The following SCAPER variants were observed in gnomAD, a reference collection of about 807,000 sequenced individuals.
SCAPER encodes S phase cyclin A-associated protein in the endoplasmic reticulum.
In SCAPER, 98 loss-of-function variants were observed where a neutral mutation model predicts 182.2. The ratio of observed to expected loss-of-function variants is 0.54; its 90% CI spans 0.46 to 0.64. The LOEUF (loss-of-function observed/expected upper bound fraction) is 0.64. Ranked by LOEUF, SCAPER falls within the 30% of genes least tolerant of loss-of-function variation. The probability of loss-of-function intolerance (pLI) is 0.00; values close to 1 mark genes in which losing one functional copy is unlikely to be tolerated. For synonymous variants in SCAPER, 605 were observed against 564.6 expected (o/e 1.07, Z -1.01); for missense variants, 1,432 against 1,690.0 (o/e 0.85, Z 2.68).
chr15:76,662,939 A>C (rs763700647), intron 21 of SCAPER, among the ~76,000 whole-genome samples: 5 of 152,250 alleles, frequency 3.3e-5, no homozygotes, highest in South Asian at 2.1e-4. Flanking sequence ...CACTAGACAT[A>C]AAAGAAAAAT....
intron 4 of SCAPER, among the ~76,000 whole-genome samples, chr15:76,855,156 A>T (rs1437889286): frequency 6.6e-6 from 1 of 152,104 alleles, no homozygotes. Context: ...CTTTGACAAG[A>T]CAAAAACAAG....
At chr15:76,786,254 G>C (rs572602248) in intron 8 of SCAPER, among the ~76,000 whole-genome samples, 2 of 149,894 alleles carry the variant, frequency 1.3e-5, no homozygotes, top group East Asian at 3.9e-4. Context: ...TTGAACCCAA[G>C]AGGCAGAGGT....
chr15:76,643,880 G>C (rs1463458218), intron 21 of SCAPER, among the ~76,000 whole-genome samples: 4 of 152,040 alleles, frequency 2.6e-5, no homozygotes, highest in African/African-American at 4.8e-5. Context: ...AAAACCAAGT[G>C]AATCAGAAAT....
rs1415938788 is a variant in SCAPER at position 76,375,639 on chromosome 15, T to A, written c.3855+523A>T. On this transcript the variant is annotated intron_variant, in intron 29 of 31. Transcript: ENST00000563290. ...GAATATTTTATTAAAAATATTTTATTTTTATAGCTCTAAGAGGAGGCCCTA... is the reference window on the plus strand; with the variant it reads ...GAATATTTTATTAAAAATATTTTATATTTATAGCTCTAAGAGGAGGCCCTA... Among the ~76,000 whole-genome samples the A allele has an allele frequency of 3.3e-5, 5 of 152,184 alleles. No homozygotes were observed. The East Asian group carries it at 9.6e-4, about 29-fold the overall frequency.
At chr15:76,479,417 T>G (rs1381584256) in intron 24 of SCAPER, among the ~76,000 whole-genome samples, 1 of 152,156 alleles carries the variant, frequency 6.6e-6, no homozygotes, top group Non-Finnish European at 1.5e-5. Context: ...CATTAAAAAC[T>G]TATTGTCCAT....
intron 20 of SCAPER, among the ~76,000 whole-genome samples, chr15:76,681,249 A>G (rs2057687017): frequency 6.6e-6 from 1 of 152,216 alleles, no homozygotes; most frequent in African/African-American, 2.4e-5. Flanking sequence ...AACTTACCCA[A>G]TTTTCAAATT....
chr15:76,555,329 T>C (rs2046111532), intron 23 of SCAPER, among the ~76,000 whole-genome samples: 1 of 151,998 alleles, frequency 6.6e-6, no homozygotes, highest in Admixed American at 6.6e-5. Flanking sequence ...CACAATTGAG[T>C]ATGCATAATA....
intron 22 of SCAPER, among the ~76,000 whole-genome samples, chr15:76,614,334 T>G (rs1720243755): frequency 6.6e-6 from 1 of 151,930 alleles, no homozygotes; most frequent in South Asian, 2.1e-4. Context: ...GTACAACAAA[T>G]CCCCATGGCA....
At chr15:76,671,937 A>G (rs957518612) in intron 20 of SCAPER, among the ~76,000 whole-genome samples, 2 of 152,150 alleles carry the variant, frequency 1.3e-5, no homozygotes, top group Non-Finnish European at 2.9e-5. Flanking sequence ...CTAATTTGAG[A>G]ACAGCATTTG....
intron 17 of SCAPER, among the ~76,000 whole-genome samples, chr15:76,708,104 C>T (rs1342885591): frequency 6.6e-6 from 1 of 152,046 alleles, no homozygotes. Flanking sequence ...GTTCAAATCC[C>T]TTATAAAAAA....
chr15:76,808,031 A>G (rs2066303743), intron 5 of SCAPER, among the ~76,000 whole-genome samples: 1 of 152,146 alleles, frequency 6.6e-6, no homozygotes, highest in Admixed American at 6.5e-5. Flanking sequence ...TGACAGCAGA[A>G]GGGACTCAGT....
At chr15:76,694,093 T>C (rs952513301) in intron 20 of SCAPER, among the ~76,000 whole-genome samples, 3 of 152,110 alleles carry the variant, frequency 2.0e-5, no homozygotes, top group East Asian at 1.9e-4. Flanking sequence ...TGTGATTCCA[T>C]ACAAATTTTA....
At chr15:76,471,568 G>C (rs1157811946) in intron 24 of SCAPER, among the ~76,000 whole-genome samples, 1 of 152,152 alleles carries the variant, frequency 6.6e-6, no homozygotes, top group Non-Finnish European at 1.5e-5. Flanking sequence ...ATTTCTATTA[G>C]CTGCAGTTGC....
chr15:76,394,841 CA>C (rs2043942179), intron 27 of SCAPER, among the ~76,000 whole-genome samples: 1 of 152,158 alleles, frequency 6.6e-6, no homozygotes, highest in Non-Finnish European at 1.5e-5. Flanking sequence ...CTTTGTGTTA[CA>C]AACTATCCAA....
chr15:76,807,294 A>G (rs1319020255), intron 5 of SCAPER, among the ~76,000 whole-genome samples: 1 of 152,168 alleles, frequency 6.6e-6, no homozygotes, highest in Non-Finnish European at 1.5e-5. Flanking sequence ...TTCTGCACCA[A>G]CTGAGATAAT....
chr15:76,859,782 A>G (rs1265982473), intron 3 of SCAPER, among the ~76,000 whole-genome samples: 1 of 151,956 alleles, frequency 6.6e-6, no homozygotes, highest in Non-Finnish European at 1.5e-5. Flanking sequence ...CCCAGGCTGG[A>G]GTGCAGTGGC....
At chr15:76,882,408 A>G (rs926536017) in intron 2 of SCAPER, among the ~76,000 whole-genome samples, 6 of 151,816 alleles carry the variant, frequency 4.0e-5, no homozygotes, top group African/African-American at 1.5e-4. Flanking sequence ...AAAAAAAAAG[A>G]TATTAAGAGA....
At chr15:76,804,395 T>A (rs2065994362) in intron 6 of SCAPER, 138 bp downstream of exon 6, 1 of 558,948 alleles carries the variant, frequency 1.8e-6, no homozygotes, top group South Asian at 2.6e-5. Context: ...TGTTATTTAA[T>A]TGAATGAGAA....
intron 2 of SCAPER, among the ~76,000 whole-genome samples, chr15:76,879,829 T>C (rs2073418511): frequency 6.6e-6 from 1 of 152,154 alleles, no homozygotes; most frequent in East Asian, 1.9e-4. Flanking sequence ...TCAAACCAAC[T>C]TGTACTCCTT....
Sources: allele counts gnomAD v4.1 joint callset (sites outside exome capture counted in the v4.1 genomes callset), GRCh38; gene constraint gnomAD v4.1.1; transcripts MANE v1.5; gene names NCBI Gene and HGNC (gene_info 2026-07-23, HGNC 2026-07-21).